The following SLC9C2 variants were observed in gnomAD, a reference collection of about 807,000 sequenced individuals.
SLC9C2 encodes sodium/hydrogen exchanger 11.
SLC9C2 carries 75 observed loss-of-function variants against 140.2 expected under a neutral mutation model. The observed-to-expected ratio is 0.53, with a 90% confidence interval of 0.44 to 0.65. The LOEUF (loss-of-function observed/expected upper bound fraction) is 0.65, where lower values mean the gene tolerates loss of function less well. SLC9C2 is among the 30% of genes least tolerant of loss of function. The pLI is 0.00. For missense variants in SLC9C2, 1,074 were observed against 1,331.8 expected, an observed-to-expected ratio of 0.81 and a Z score of 3.01; for synonymous variants, 375 against 420.9, an observed-to-expected ratio of 0.89 and a Z score of 1.34.
rs764035601 is a variant in SLC9C2, at chr1:173,583,638, C to CA, written c.524-17dup. 2.8e-5 allele frequency: 36 copies of CA among 1,281,906 alleles called. No individual in the cohort carries two copies. The highest frequency in any genetic ancestry group is 3.7e-5 in the Non-Finnish European group (34 of 907,652). The allele number at this position is 1,281,906 out of a possible 1,614,324, so 79.4% of individuals were successfully genotyped here. ...TTAGAAATGCCTGAAAAAGGAAATA[C>CA]AAAATGTAACTCAATATGCTACATG... is the stretch of plus-strand genomic sequence containing the variant. On this transcript the variant is annotated splice_polypyrimidine_tract_variant and intron_variant, in intron 5 of 27. Transcript: ENST00000367714.
intron 10 of SLC9C2, among the ~76,000 whole-genome samples, chr1:173,556,815 C>G (rs1225106574): frequency 6.6e-6 from 1 of 151,728 alleles, no homozygotes; most frequent in Non-Finnish European, 1.5e-5. Context: ...GTAATCCCAG[C>G]TACTTGGGAA....
Position 173,600,183 on chromosome 1 carries a change from G to T in SLC9C2, c.162C>A (p.Val54=). 1 of 1,612,472 alleles carries T rather than the reference G, an allele frequency of 6.2e-7. No homozygotes were observed. Residue 54 remains valine (V), a synonymous_variant, in exon 3 of 28, where the codon GTC becomes GTA. Transcript: ENST00000367714. ...LLKMCLKNCE[V]IVLTILSLSG... Reference sequence around the variant, plus strand: ...ATAGAGAAAGAATCGTCAAAACAATGACTTCACAATTCTTTAAACACATCT... The same window carrying T: ...ATAGAGAAAGAATCGTCAAAACAATTACTTCACAATTCTTTAAACACATCT...
chr1:173,502,272 C>CA (rs34183286), intron 27 of SLC9C2, among the ~76,000 whole-genome samples: 13,101 of 39,728 alleles, frequency 0.33, 2,328 homozygotes, highest in East Asian at 0.39. Flanking sequence ...GATTCCATCT[C>CA]AAAAAAAAAA....
intron 1 of SLC9C2, 54 bp downstream of exon 1, chr1:173,602,697 A>C (rs940956378): frequency 2.6e-5 from 4 of 152,200 alleles, no homozygotes; most frequent in African/African-American, 9.7e-5. Context: ...AGCTAGCCTT[A>C]ATCTAAAAAT....
chr1:173,563,776 T>G (rs1226771135), intron 9 of SLC9C2, among the ~76,000 whole-genome samples: 1 of 152,182 alleles, frequency 6.6e-6, no homozygotes, highest in Non-Finnish European at 1.5e-5. Context: ...CACCCTGTTG[T>G]GCCATCAAAT....
chr1:173,543,101 T>C (rs1662565182), intron 13 of SLC9C2, among the ~76,000 whole-genome samples: 1 of 152,194 alleles, frequency 6.6e-6, no homozygotes, highest in Non-Finnish European at 1.5e-5. Flanking sequence ...ATTGTATATT[T>C]AGAAAACCCC....
intron 10 of SLC9C2, among the ~76,000 whole-genome samples, chr1:173,557,057 G>A (rs1663758584): frequency 6.6e-6 from 1 of 152,186 alleles, no homozygotes; most frequent in African/African-American, 2.4e-5. Flanking sequence ...TTGAAGCTCA[G>A]CAAGCCTGGG....
At chr1:173,558,044 A>T (rs1477278653) in intron 9 of SLC9C2, among the ~76,000 whole-genome samples, 1 of 152,190 alleles carries the variant, frequency 6.6e-6, no homozygotes, top group Non-Finnish European at 1.5e-5. Context: ...TTTCTATACG[A>T]CCCTGTGCCA....
At chr1:173,564,148 T>C (rs1399777257) in intron 9 of SLC9C2, among the ~76,000 whole-genome samples, 1 of 152,246 alleles carries the variant, frequency 6.6e-6, no homozygotes, top group Non-Finnish European at 1.5e-5. Flanking sequence ...TTATTGTGAA[T>C]AGTGCTGCAA....
At chr1:173,545,533 G>A (rs564861270) in intron 13 of SLC9C2, among the ~76,000 whole-genome samples, 1 of 152,106 alleles carries the variant, frequency 6.6e-6, no homozygotes, top group East Asian at 1.9e-4. Flanking sequence ...TGAATATTGG[G>A]TGTCTGGGGG....
chr1:173,559,767 A>G (rs1571560213), intron 9 of SLC9C2, among the ~76,000 whole-genome samples: 2 of 152,230 alleles, frequency 1.3e-5, no homozygotes, highest in Non-Finnish European at 2.9e-5. Context: ...ACATAGGTCA[A>G]CCCACCATTT....
chr1:173,536,910 G>C (rs1295633047), intron 14 of SLC9C2, 32 bp downstream of exon 14: 2 of 1,443,986 alleles, frequency 1.4e-6, no homozygotes, highest in Non-Finnish European at 1.9e-6. Context: ...ATTCAATTTT[G>C]GAAATATCAA....
At chr1:173,530,234 GC>G (rs1661487586) in intron 17 of SLC9C2, among the ~76,000 whole-genome samples, 180 bp from the exon 18 acceptor site, 1 of 152,162 alleles carries the variant, frequency 6.6e-6, no homozygotes, top group Admixed American at 6.5e-5. Context: ...CTTGGGTGGG[GC>G]CTAGTAGTCG....
At chr1:173,589,861 A>G (rs1023869162) in intron 4 of SLC9C2, among the ~76,000 whole-genome samples, 2 of 152,220 alleles carry the variant, frequency 1.3e-5, no homozygotes, top group Admixed American at 6.5e-5. Context: ...AGGAAATTAC[A>G]TACAATACAG....
intron 18 of SLC9C2, among the ~76,000 whole-genome samples, chr1:173,527,858 T>C (rs966205904): frequency 6.6e-6 from 1 of 152,216 alleles, no homozygotes; most frequent in Non-Finnish European, 1.5e-5. Context: ...AAAAATCGCA[T>C]GTAATGAATC....
At position 173,530,049 on chromosome 1, in the gene SLC9C2, T is replaced by A; in HGVS notation, c.2169A>T (p.Ile723=). The A allele has an allele frequency of 6.3e-7, 1 of 1,586,774 alleles. No homozygotes were observed. The highest frequency in any genetic ancestry group is 8.5e-7 in the Non-Finnish European group (1 of 1,172,084). ...CTGCAATTCTTATCAGTATTGGTAC[T>A]ATTATCTGGAATAATGAGAAGAAGA... ...IIRFLPLFKI[I]VPILIRIADV... The change falls in exon 18 of 28, where the codon ATA becomes ATT. Residue 723 remains isoleucine, a synonymous_variant. Coordinates refer to ENST00000367714, the MANE Select transcript of SLC9C2 (RefSeq NM_178527.4).
rs146420230 is a variant in SLC9C2, at chr1:173,563,165, G to A, written c.1047-5657C>T. Among the ~76,000 whole-genome samples, 379 of 151,702 alleles carry A rather than the reference G, an allele frequency of 2.5e-3. 6 individuals carry two copies. The highest frequency in any genetic ancestry group is 0.023 in the Admixed American group (342 of 15,190). Reference sequence around the variant, plus strand: ...AAGTATCTGAGGAACTTTGTCACACGTGTTTGGAATGAAGACAGCAAGCAG... The same window carrying A: ...AAGTATCTGAGGAACTTTGTCACACATGTTTGGAATGAAGACAGCAAGCAG... On this transcript the variant is annotated intron_variant, in intron 9 of 27. Coordinates refer to ENST00000367714, the MANE Select transcript of SLC9C2 (RefSeq NM_178527.4).
intron 21 of SLC9C2, among the ~76,000 whole-genome samples, chr1:173,523,147 G>A (rs1364497970): frequency 1.3e-5 from 2 of 152,094 alleles, no homozygotes; most frequent in Non-Finnish European, 2.9e-5. Flanking sequence ...CAAGGCGGGT[G>A]GATCACTTGA....
chr1:173,532,702 T>G (rs987173710), intron 17 of SLC9C2, among the ~76,000 whole-genome samples: 5 of 152,282 alleles, frequency 3.3e-5, no homozygotes, highest in Middle Eastern at 3.4e-3. Flanking sequence ...CAAATATTTA[T>G]TAAGTGCTTA....
Sources: gnomAD v4.1 joint callset for allele counts (sites outside exome capture counted in the v4.1 genomes callset) on GRCh38, gnomAD v4.1.1 for gene constraint, MANE v1.5 for transcripts, NCBI Gene and HGNC (gene_info 2026-07-23, HGNC 2026-07-21) for gene names.